CORO1C: variants seen among roughly 807,000 people sequenced by gnomAD.
The protein encoded by CORO1C is coronin-1C.
In CORO1C, 14 loss-of-function variants were observed where a neutral mutation model predicts 51.2. The observed-to-expected ratio is 0.27, with a 90% CI of 0.18 to 0.43. CORO1C has a LOEUF of 0.43. CORO1C is among the 20% of genes least tolerant of loss of function. The probability of loss-of-function intolerance (pLI) is 1.00; values close to 1 mark genes in which losing one functional copy is unlikely to be tolerated. For synonymous variants in CORO1C, 181 were observed against 210.5 expected, an observed-to-expected ratio of 0.86 and a Z score of 1.21; for missense variants, 417 against 607.8, an observed-to-expected ratio of 0.69 and a Z score of 3.30.
intron 2 of CORO1C, among the ~76,000 whole-genome samples, chr12:108,679,183 A>AG (rs2034036662): frequency 6.6e-6 from 1 of 150,842 alleles, no homozygotes; most frequent in South Asian, 2.1e-4. Context: ...AAAAAAAAAA[A>AG]AAAGAAAAGC....
chr12:108,695,871 A>C (rs528477532), intron 2 of CORO1C, among the ~76,000 whole-genome samples: 2 of 151,972 alleles, frequency 1.3e-5, no homozygotes, highest in Non-Finnish European at 2.9e-5. Context: ...AAAAAAAAAA[A>C]AAAACAGTCT....
intron 2 of CORO1C, among the ~76,000 whole-genome samples, chr12:108,697,996 T>C (rs115017989): frequency 6.6e-6 from 1 of 152,174 alleles, no homozygotes; most frequent in Admixed American, 6.5e-5. Context: ...TGGAAGATCA[T>C]TCTATTTTCT....
intron 3 of CORO1C, among the ~76,000 whole-genome samples, chr12:108,667,303 G>GT (rs1565909523): frequency 1.3e-5 from 2 of 152,174 alleles, no homozygotes; most frequent in African/African-American, 2.4e-5. Context: ...AATTACCACA[G>GT]TAAGGACAGA....
intron 10 of CORO1C, among the ~76,000 whole-genome samples, chr12:108,648,361 G>C (rs1044843652): frequency 1.3e-5 from 2 of 152,106 alleles, no homozygotes; most frequent in Admixed American, 6.5e-5. Flanking sequence ...CCCAATCATG[G>C]TGGTCTGTGG....
intron 1 of CORO1C, among the ~76,000 whole-genome samples, chr12:108,724,388 T>C (rs1460847171): frequency 1.3e-5 from 2 of 152,210 alleles, no homozygotes; most frequent in Non-Finnish European, 2.9e-5. Flanking sequence ...AATTAATTCA[T>C]ACCACACAAA....
chr12:108,668,012 C>T (rs1483049456), intron 3 of CORO1C, among the ~76,000 whole-genome samples: 1 of 152,168 alleles, frequency 6.6e-6, no homozygotes, highest in Non-Finnish European at 1.5e-5. Flanking sequence ...TTTAGTCACC[C>T]ATCATCAACT....
At chr12:108,687,924 C>CTTT (rs200001763) in intron 2 of CORO1C, among the ~76,000 whole-genome samples, 7 of 143,934 alleles carry the variant, frequency 4.9e-5, no homozygotes, top group South Asian at 2.2e-4. Flanking sequence ...CCCTCTGACC[C>CTTT]TTTTTTTTTT....
At chr12:108,670,896 GAAAAAAATTAGAAAT>G (rs1196978757) in intron 3 of CORO1C, among the ~76,000 whole-genome samples, 1 of 148,576 alleles carries the variant, frequency 6.7e-6, no homozygotes, top group Admixed American at 6.7e-5. Context: ...CAGACATCAA[GAAAAAAATTAGAAAT>G]AAATGAAGAC....
intron 4 of CORO1C, among the ~76,000 whole-genome samples, chr12:108,661,561 C>A (rs2033262608): frequency 6.6e-6 from 1 of 151,968 alleles, no homozygotes; most frequent in Admixed American, 6.6e-5. Flanking sequence ...TATATATGTT[C>A]TCTACAGTAT....
intron 1 of CORO1C, among the ~76,000 whole-genome samples, chr12:108,729,611 CTACT>C (rs968896510): frequency 6.6e-6 from 1 of 152,130 alleles, no homozygotes; most frequent in Non-Finnish European, 1.5e-5. Context: ...ACTTTTTTCC[CTACT>C]TATTTATGCG....
chr12:108,702,795 C>A (rs541262131), intron 1 of CORO1C: 53 of 1,524,970 alleles, frequency 3.5e-5, no homozygotes, highest in Non-Finnish European at 4.4e-5. Flanking sequence ...GAGTCTCTTA[C>A]CCTTCCAACG....
intron 4 of CORO1C, 96 bp downstream of exon 4, chr12:108,661,933 A>C (rs1447940639): frequency 7.1e-7 from 1 of 1,402,662 alleles, no homozygotes; most frequent in Non-Finnish European, 9.9e-7. Flanking sequence ...CTGCTTTAAA[A>C]CCATATAGCA....
At chr12:108,706,193 A>AAC (rs2035025226) in intron 1 of CORO1C, among the ~76,000 whole-genome samples, 1 of 151,428 alleles carries the variant, frequency 6.6e-6, no homozygotes, top group African/African-American at 2.4e-5. Context: ...AATCAAAAAA[A>AAC]AACAAAAAAA....
rs777817834 is a variant in CORO1C, at chr12:108,701,256, G to A, written c.63C>T (p.Asp21=). Residue 21 remains aspartate (D), a synonymous_variant, in exon 2 of 11, where the codon GAC becomes GAT. Transcript: ENST00000261401. ...AAACCCGGATGTCATCATAGCACTG[G>A]TCATTTTTCACCGCTTGCCCAAATA... is the stretch of plus-strand genomic sequence containing the variant. ...RHVFGQAVKN[D]QCYDDIRVSR... 4.3e-6 allele frequency: 7 copies of A among 1,614,130 alleles called. No individual in the cohort carries two copies. The South Asian group carries it at 7.7e-5, about 18-fold the overall frequency.
intron 2 of CORO1C, among the ~76,000 whole-genome samples, chr12:108,679,794 A>C (rs984711523): frequency 1.3e-5 from 2 of 152,248 alleles, no homozygotes; most frequent in African/African-American, 4.8e-5. Flanking sequence ...CTGATTAAAC[A>C]GGTGACTTTA....
chr12:108,685,702 C>G (rs1386721672), intron 2 of CORO1C, among the ~76,000 whole-genome samples: 1 of 152,160 alleles, frequency 6.6e-6, no homozygotes, highest in Non-Finnish European at 1.5e-5. Context: ...CTACAAGCAG[C>G]TGCTTCCTCT....
In CORO1C at chr12:108,712,570, CAAA is replaced by C. The variant is rs138128974; in HGVS notation, c.-5-11250_-5-11248del. ...GCCTGAACAACAAGCGAAACTGTCT[CAAA>C]AAAAAAAAAAAAAAAAAAAGGAAGT... is the stretch of plus-strand genomic sequence containing the variant. On this transcript the variant is annotated intron_variant, in intron 1 of 10. Transcript: ENST00000261401. 1.8e-3 allele frequency among the ~76,000 whole-genome samples: 123 copies of C among 66,498 alleles called. No individual in the cohort carries two copies. In the East Asian group the frequency reaches 0.019, roughly 10 times the overall value. 43.6% of individuals were successfully genotyped at this position (66,498 alleles called of 152,430 possible). A position where few individuals can be genotyped will look rare whatever the true frequency, so the allele number is the denominator to read the frequency against.
chr12:108,726,465 C>G (rs1392149704), intron 1 of CORO1C, among the ~76,000 whole-genome samples: 1 of 150,774 alleles, frequency 6.6e-6, no homozygotes, highest in East Asian at 2.0e-4. Context: ...CAAAATATAA[C>G]TAAAGAATAC....
chr12:108,728,490 T>C (rs2035642684), intron 1 of CORO1C, among the ~76,000 whole-genome samples: 1 of 151,972 alleles, frequency 6.6e-6, no homozygotes, highest in African/African-American at 2.4e-5. Context: ...GGTTTCTTTT[T>C]GGGGGGGATG....
Sources: gnomAD v4.1 joint callset for allele counts (sites outside exome capture counted in the v4.1 genomes callset) on GRCh38, gnomAD v4.1.1 for gene constraint, MANE v1.5 for transcripts, NCBI Gene and HGNC (gene_info 2026-07-23, HGNC 2026-07-21) for gene names.